AFG2A: variants seen among roughly 807,000 people sequenced by gnomAD.
The protein encoded by AFG2A is AAA ATPase AFG2A, also known as ATPase family gene 2 protein homolog A.
the AFG2A span, among the ~76,000 whole-genome samples, chr4:123,057,671 T>C: frequency 6.6e-6 from 1 of 152,170 alleles, no homozygotes; most frequent in African/African-American, 2.4e-5. Flanking sequence ...ATAAAATACG[T>C]TACACAGATT....
the AFG2A span, among the ~76,000 whole-genome samples, chr4:123,267,507 T>C: frequency 6.6e-6 from 1 of 152,066 alleles, no homozygotes; most frequent in Non-Finnish European, 1.5e-5. Flanking sequence ...TTTTCCCTTT[T>C]CCTTCAAAAT....
chr4:123,028,248 A>G, the AFG2A span: 1 of 1,614,150 alleles, frequency 6.2e-7, no homozygotes, highest in Non-Finnish European at 8.5e-7. Flanking sequence ...AGGCTGTGGA[A>G]TGGCCCTTAA....
the AFG2A span, among the ~76,000 whole-genome samples, chr4:123,022,159 A>G: frequency 6.6e-6 from 1 of 152,094 alleles, no homozygotes; most frequent in Non-Finnish European, 1.5e-5. Flanking sequence ...ACCGAAAGCA[A>G]TGGCAACAAA....
At chr4:123,307,589 C>T in the AFG2A span, among the ~76,000 whole-genome samples, 10 of 152,210 alleles carry the variant, frequency 6.6e-5, no homozygotes, top group East Asian at 5.8e-4. Flanking sequence ...AGGAAAATCC[C>T]GTAATCTTAG....
chr4:122,934,118 G>A, the AFG2A span: 2 of 1,595,956 alleles, frequency 1.3e-6, no homozygotes, highest in Non-Finnish European at 1.7e-6. Flanking sequence ...GTTTTACCAG[G>A]CAACTTTCTG....
At chr4:122,970,080 G>GTA in the AFG2A span, among the ~76,000 whole-genome samples, 1 of 152,182 alleles carries the variant, frequency 6.6e-6, no homozygotes, top group Non-Finnish European at 1.5e-5. Flanking sequence ...TTACAGTAGA[G>GTA]TATAGTAATG....
At chr4:123,257,523 C>G in the AFG2A span, among the ~76,000 whole-genome samples, 17 of 152,244 alleles carry the variant, frequency 1.1e-4, no homozygotes, top group Non-Finnish European at 2.1e-4. Context: ...TTATATTTTT[C>G]AAGTCCACTG....
the AFG2A span, among the ~76,000 whole-genome samples, chr4:123,225,654 A>C: frequency 2.0e-5 from 3 of 152,190 alleles, no homozygotes; most frequent in Non-Finnish European, 4.4e-5. Flanking sequence ...TGATGCCTCC[A>C]GCTTTGTTCT....
At chr4:123,055,489 A>G in the AFG2A span, among the ~76,000 whole-genome samples, 1 of 152,188 alleles carries the variant, frequency 6.6e-6, no homozygotes, top group East Asian at 1.9e-4. Flanking sequence ...AATACTGCCC[A>G]TACCAGTTTG....
the AFG2A span, among the ~76,000 whole-genome samples, chr4:123,124,282 T>G: frequency 1.3e-5 from 2 of 152,156 alleles, no homozygotes; most frequent in Non-Finnish European, 2.9e-5. Flanking sequence ...ATGTGGCACA[T>G]ATACACCATG....
the AFG2A span, among the ~76,000 whole-genome samples, chr4:123,279,290 C>T: frequency 6.6e-6 from 1 of 152,000 alleles, no homozygotes; most frequent in African/African-American, 2.4e-5. Flanking sequence ...GTGGCAGGCA[C>T]CTGTAATCCC....
the AFG2A span, among the ~76,000 whole-genome samples, chr4:123,047,490 T>C: frequency 6.6e-6 from 1 of 152,200 alleles, no homozygotes; most frequent in African/African-American, 2.4e-5. Flanking sequence ...GGTAATTTGC[T>C]AATATTTTCT....
chr4:122,989,035 A>G, the AFG2A span, among the ~76,000 whole-genome samples: 2 of 151,628 alleles, frequency 1.3e-5, no homozygotes, highest in African/African-American at 4.9e-5. Flanking sequence ...TCCTGGATTC[A>G]TGTTATTTGA....
At chr4:123,186,998 T>C in the AFG2A span, among the ~76,000 whole-genome samples, 91,633 of 151,954 alleles carry the variant, frequency 0.6, 28,777 homozygotes, top group Non-Finnish European at 0.68. Context: ...CATTGCTTTA[T>C]GAGGAAAGAA....
At chr4:122,943,764 C>T in the AFG2A span, among the ~76,000 whole-genome samples, 1 of 152,190 alleles carries the variant, frequency 6.6e-6, no homozygotes, top group African/African-American at 2.4e-5. Context: ...GATTTTGCAG[C>T]AGCTGGTACC....
chr4:123,303,420 T>C, the AFG2A span, among the ~76,000 whole-genome samples: 1 of 152,136 alleles, frequency 6.6e-6, no homozygotes, highest in Non-Finnish European at 1.5e-5. Context: ...AAGTTTATAA[T>C]GAAAGGTTAT....
At chr4:122,944,272 C>T in the AFG2A span, among the ~76,000 whole-genome samples, 2 of 151,918 alleles carry the variant, frequency 1.3e-5, no homozygotes, top group Admixed American at 1.3e-4. Flanking sequence ...TTCAAGTACA[C>T]CAATCAGACG....
the AFG2A span, among the ~76,000 whole-genome samples, chr4:123,213,843 A>G: frequency 1.3e-5 from 2 of 152,140 alleles, no homozygotes; most frequent in African/African-American, 2.4e-5. Context: ...TAATACTACA[A>G]TTTTTATGAC....
chr4:123,138,207 T>C, the AFG2A span, among the ~76,000 whole-genome samples: 2 of 152,146 alleles, frequency 1.3e-5, no homozygotes, highest in Non-Finnish European at 2.9e-5. Context: ...ATTGTTGATA[T>C]AGATAAGAAA....
Sources: allele counts gnomAD v4.1 joint callset (sites outside exome capture counted in the v4.1 genomes callset), GRCh38; gene constraint gnomAD v4.1.1; transcripts MANE v1.5; gene names NCBI Gene and HGNC (gene_info 2026-07-23, HGNC 2026-07-21).